EYS: variants seen among roughly 807,000 people sequenced by gnomAD.
The protein encoded by EYS is protein eyes shut homolog.
A neutral mutation model predicts 282.1 loss-of-function variants in EYS; 250 were observed. That is an observed-to-expected ratio of 0.89 (90% confidence interval 0.80 to 0.98). The LOEUF is 0.98. Ranked by LOEUF, EYS falls within the 50% of genes least tolerant of loss-of-function variation. The pLI is 0.00. For synonymous variants in EYS, 1,355 were observed against 1,282.9 expected, an observed-to-expected ratio of 1.06 and a Z score of -1.20; for missense variants, 4,016 against 3,709.0, an observed-to-expected ratio of 1.08 and a Z score of -2.15.
intron 31 of EYS, among the ~76,000 whole-genome samples, chr6:64,180,441 T>C (rs976065840): frequency 6.6e-6 from 1 of 152,146 alleles, no homozygotes; most frequent in Non-Finnish European, 1.5e-5. Context: ...TTTTTGACTT[T>C]TATTTAGGCT....
At chr6:64,807,871 C>T (rs1445975145) in intron 22 of EYS, among the ~76,000 whole-genome samples, 5 of 151,942 alleles carry the variant, frequency 3.3e-5, no homozygotes, top group Non-Finnish European at 7.4e-5. Flanking sequence ...AAACATACTG[C>T]CTATGTATTT....
chr6:65,594,520 C>G (rs1325064529), intron 2 of EYS, among the ~76,000 whole-genome samples: 1 of 151,930 alleles, frequency 6.6e-6, no homozygotes, highest in African/African-American at 2.4e-5. Context: ...ATATTTGTGT[C>G]TGTCTTATTT....
chr6:65,230,377 A>G (rs1250045871), intron 12 of EYS, among the ~76,000 whole-genome samples: 1 of 19,444 alleles, frequency 5.1e-5, no homozygotes, highest in African/African-American at 8.6e-5. Flanking sequence ...GCAACCATCT[A>G]TGAGGTCAAT....
intron 5 of EYS, among the ~76,000 whole-genome samples, chr6:65,446,758 C>A (rs1266391027): frequency 6.6e-6 from 1 of 151,738 alleles, no homozygotes; most frequent in Non-Finnish European, 1.5e-5. Flanking sequence ...TTCATGGGAT[C>A]TAAATCTAAA....
intron 29 of EYS, among the ~76,000 whole-genome samples, chr6:64,348,826 A>G (rs552185621): frequency 4.0e-5 from 6 of 151,530 alleles, no homozygotes; most frequent in Admixed American, 4.0e-4. Context: ...TTACTTCCCT[A>G]TACTGAGAAT....
intron 31 of EYS, among the ~76,000 whole-genome samples, chr6:64,111,432 G>A (rs112211314): frequency 0.022 from 3,274 of 152,160 alleles, 46 homozygotes; most frequent in Middle Eastern, 0.037. Flanking sequence ...TTGTCTCCAT[G>A]GCAGTGCGGA....
At chr6:65,285,000 T>C (rs1421751652) in intron 12 of EYS, among the ~76,000 whole-genome samples, 1 of 152,056 alleles carries the variant, frequency 6.6e-6, no homozygotes, top group African/African-American at 2.4e-5. Flanking sequence ...TGTGCATATT[T>C]ATTGTAAGTG....
chr6:64,817,584 T>C (rs1764776300), intron 21 of EYS, among the ~76,000 whole-genome samples: 1 of 152,060 alleles, frequency 6.6e-6, no homozygotes, highest in Non-Finnish European at 1.5e-5. Flanking sequence ...AATAGGTCAT[T>C]TTTTCGAACC....
intron 12 of EYS, among the ~76,000 whole-genome samples, chr6:65,108,504 C>T (rs1198274980): frequency 6.6e-6 from 1 of 151,974 alleles, no homozygotes; most frequent in East Asian, 1.9e-4. Context: ...GCCATGTTGC[C>T]CAGGCTGGGA....
chr6:64,142,512 C>T (rs1685678003), intron 31 of EYS, among the ~76,000 whole-genome samples: 1 of 151,950 alleles, frequency 6.6e-6, no homozygotes, highest in Non-Finnish European at 1.5e-5. Flanking sequence ...GCAGTCAGTG[C>T]AGAAAGGGAA....
intron 2 of EYS, among the ~76,000 whole-genome samples, chr6:65,633,511 C>T (rs1766990180): frequency 6.6e-6 from 1 of 152,180 alleles, no homozygotes; most frequent in Non-Finnish European, 1.5e-5. Flanking sequence ...TTTAATGTCT[C>T]TGTTTTATAG....
At chr6:64,615,834 C>T (rs573454906) in intron 24 of EYS, among the ~76,000 whole-genome samples, 1 of 152,096 alleles carries the variant, frequency 6.6e-6, no homozygotes, top group South Asian at 2.1e-4. Context: ...TTAGTAAATG[C>T]CTTACTAAAA....
intron 35 of EYS, among the ~76,000 whole-genome samples, chr6:63,865,548 C>G (rs570787218): frequency 2.0e-5 from 3 of 151,906 alleles, no homozygotes; most frequent in African/African-American, 7.3e-5. Flanking sequence ...CTTCTCAATG[C>G]GACTGTTAGC....
At chr6:64,308,810 T>G (rs1412562662) in intron 29 of EYS, among the ~76,000 whole-genome samples, 1 of 152,018 alleles carries the variant, frequency 6.6e-6, no homozygotes, top group Non-Finnish European at 1.5e-5. Context: ...ATGACTGAAC[T>G]AGAAAATAAA....
chr6:65,017,956 A>T (rs1772107884), intron 13 of EYS, among the ~76,000 whole-genome samples: 1 of 152,158 alleles, frequency 6.6e-6, no homozygotes, highest in African/African-American at 2.4e-5. Flanking sequence ...AACCCTCTTA[A>T]CAAAGTGCTC....
intron 28 of EYS, among the ~76,000 whole-genome samples, chr6:64,393,726 C>T (rs1442631397): frequency 5.3e-5 from 8 of 151,510 alleles, no homozygotes; most frequent in Middle Eastern, 6.9e-3. Context: ...TGGCACAAGA[C>T]AGGGATGCCC....
chr6:64,339,564 A>C (rs1382607232), intron 29 of EYS, among the ~76,000 whole-genome samples: 2 of 151,974 alleles, frequency 1.3e-5, no homozygotes, highest in African/African-American at 2.4e-5. Context: ...TGTGGAAAAC[A>C]GTGTGGAGAT....
intron 2 of EYS, among the ~76,000 whole-genome samples, chr6:65,560,261 T>A (rs1220961979): frequency 6.9e-6 from 1 of 145,140 alleles, no homozygotes; most frequent in Non-Finnish European, 1.5e-5. Flanking sequence ...TTATTATATA[T>A]AATATATAAC....
chr6:65,057,037 T>G (rs1561943817), intron 13 of EYS, among the ~76,000 whole-genome samples: 1 of 151,954 alleles, frequency 6.6e-6, no homozygotes, highest in Admixed American at 6.6e-5. Flanking sequence ...GTTGAACAGT[T>G]TCAAATTTCT....
Sources: allele counts gnomAD v4.1 joint callset (sites outside exome capture counted in the v4.1 genomes callset), GRCh38; gene constraint gnomAD v4.1.1; transcripts MANE v1.5; gene names NCBI Gene and HGNC (gene_info 2026-07-23, HGNC 2026-07-21).